TET1: variants seen among roughly 807,000 people sequenced by gnomAD.
TET1 encodes the protein methylcytosine dioxygenase TET1.
A neutral mutation model predicts 148.7 loss-of-function variants in TET1; 13 were observed. The ratio of observed to expected loss-of-function variants is 0.09; its 90% CI spans 0.06 to 0.14. TET1 has a LOEUF of 0.14. TET1 is among the 10% of genes least tolerant of loss of function. The pLI is 1.00. For missense variants in TET1, 2,182 were observed against 2,553.8 expected (o/e 0.85, Z 3.14); for synonymous variants, 907 against 937.2 (o/e 0.97, Z 0.59).
At chr10:68,586,647 T>G (rs1589054270) in intron 2 of TET1, among the ~76,000 whole-genome samples, 1 of 152,054 alleles carries the variant, frequency 6.6e-6, no homozygotes, top group Admixed American at 6.6e-5. Context: ...ATCAGTTTTT[T>G]TTTTTTTTTA....
chr10:68,636,392 A>G (rs2054650142), intron 3 of TET1, among the ~76,000 whole-genome samples: 1 of 152,160 alleles, frequency 6.6e-6, no homozygotes, highest in African/African-American at 2.4e-5. Context: ...TGTGAGTTCT[A>G]AGAAGCCCTG....
intron 7 of TET1, among the ~76,000 whole-genome samples, chr10:68,672,543 T>TCTTTA (rs2055290790): frequency 6.9e-6 from 1 of 145,320 alleles, no homozygotes; most frequent in South Asian, 2.2e-4. Context: ...AAACCCAGGT[T>TCTTTA]CTTTATTTCC....
At chr10:68,607,070 G>A (rs1009718545) in intron 3 of TET1, among the ~76,000 whole-genome samples, 5 of 151,804 alleles carry the variant, frequency 3.3e-5, no homozygotes, top group African/African-American at 1.2e-4. Flanking sequence ...CAAGACTCAT[G>A]TCCATTCTGT....
chr10:68,629,719 G>A (rs1018387554), intron 3 of TET1, among the ~76,000 whole-genome samples: 3 of 151,914 alleles, frequency 2.0e-5, no homozygotes, highest in South Asian at 2.1e-4. Context: ...TTGTATTTTA[G>A]TAGAGACGGA....
At chr10:68,668,749 G>T (rs1227615944) in intron 7 of TET1, among the ~76,000 whole-genome samples, 1 of 152,094 alleles carries the variant, frequency 6.6e-6, no homozygotes, top group Non-Finnish European at 1.5e-5. Context: ...GCCGACAAGG[G>T]AGGACCACTT....
chr10:68,629,359 C>T (rs10998344), intron 3 of TET1, among the ~76,000 whole-genome samples: 76,098 of 151,052 alleles, frequency 0.5, 19,761 homozygotes, highest in Non-Finnish European at 0.57. Flanking sequence ...AGAAAGATCT[C>T]GTCTCAAAAA....
chr10:68,593,558 C>T (rs1421749249), intron 2 of TET1, among the ~76,000 whole-genome samples: 1 of 151,994 alleles, frequency 6.6e-6, no homozygotes, highest in African/African-American at 2.4e-5. Flanking sequence ...TTGCCTCAGG[C>T]TCCTGAGTAG....
chr10:68,572,571 G>A lies in TET1; in HGVS notation c.233G>A (p.Gly78Glu), dbSNP rs1484377336. The A allele has an allele frequency of 1.2e-6, 2 of 1,614,134 alleles. No homozygotes were observed. Among genetic ancestry groups the A allele is most frequent in the African/African-American group, 1.3e-5 (1 of 75,032 alleles). ...GTCAGAAGCCTTCTGACAAGAGCTG[G>A]AGCAGCACGCATGAATTTGGATAGG... ...VPVRSLLTRA[G>E]AARMNLDRTE... The change falls in exon 2 of 12, where the codon GGA (glycine) becomes GAA (glutamate). Residue 78 changes from glycine to glutamate, a missense_variant. This residue lies in a region of TET1 where 665 missense variants were observed against 672.4 expected (regional missense o/e 0.99). Transcript: ENST00000373644.
At chr10:68,620,402 A>G (rs2054353317) in intron 3 of TET1, among the ~76,000 whole-genome samples, 1 of 152,160 alleles carries the variant, frequency 6.6e-6, no homozygotes, top group Non-Finnish European at 1.5e-5. Context: ...CATTTCAAAC[A>G]ATGGCATCAT....
Position 68,646,894 on chromosome 10 carries a change from G to A in TET1, c.4165G>A (p.Asp1389Asn). Residue 1389 changes from aspartate to asparagine, a missense_variant, in exon 4 of 12, where the codon GAC becomes AAC. By Grantham distance (23) the Asp-to-Asn change is conservative. Around this residue, in one of 11 missense-constraint regions of TET1, gnomAD observed 169 missense variants for 263.7 expected, o/e 0.64. Transcript: ENST00000373644. ...SFGTSEFSTV[D>N]SAQKNFNDYA... ...TGGAACATCAGAATTTTCCACAGTG[G>A]ACAGTGCACAGAAAAATTTTAATGA... 1.2e-6 allele frequency: 2 copies of A among 1,614,108 alleles called. No homozygotes were observed. Among genetic ancestry groups the A allele is most frequent in the Non-Finnish European group, 1.7e-6 (2 of 1,180,030 alleles).
intron 6 of TET1, among the ~76,000 whole-genome samples, chr10:68,653,587 G>C (rs1035995884): frequency 5.9e-5 from 9 of 152,110 alleles, no homozygotes; most frequent in Admixed American, 3.3e-4. Context: ...TCTACATATT[G>C]CATCTTTACA....
At chr10:68,634,287 A>G (rs894207243) in intron 3 of TET1, among the ~76,000 whole-genome samples, 1 of 152,160 alleles carries the variant, frequency 6.6e-6, no homozygotes, top group East Asian at 1.9e-4. Flanking sequence ...TGGACATAAG[A>G]TGGTAATATT....
At position 68,691,989 on chromosome 10, in the gene TET1, G is replaced by T; in HGVS notation, c.*175G>T. ...GTATTCTTAACTGTGACTATATTTT[G>T]ACAATTGGTAGAAGGTGCACATTTT... is the stretch of plus-strand genomic sequence containing the variant. On this transcript the variant is annotated 3_prime_UTR_variant, in exon 12 of 12. Transcript: ENST00000373644. This position sits in a 1 kb window ranked among gnomAD's most constrained non-coding sequence, Gnocchi z 4.4. 1.4e-6 allele frequency: 1 copy of T among 708,112 alleles called. No homozygotes were observed. Among genetic ancestry groups the T allele is most frequent in the Non-Finnish European group, 2.2e-6 (1 of 453,938 alleles). The allele number at this position is 708,112 out of a possible 1,614,324, so 43.9% of individuals were successfully genotyped here. A position where few individuals can be genotyped will look rare whatever the true frequency, so the allele number is the denominator to read the frequency against.
intron 3 of TET1, among the ~76,000 whole-genome samples, chr10:68,631,445 T>C (rs2133028262): frequency 6.7e-6 from 1 of 148,360 alleles, no homozygotes; most frequent in South Asian, 2.2e-4. Flanking sequence ...TTTTTTTTTT[T>C]TTTTTTTTTT....
chr10:68,595,975 C>A (rs868620810), intron 2 of TET1, among the ~76,000 whole-genome samples: 2 of 45,782 alleles, frequency 4.4e-5, no homozygotes, highest in Non-Finnish European at 8.4e-5. Context: ...CACACACACA[C>A]ACATATATAC....
chr10:68,566,965 A>G (rs551818980), intron 1 of TET1, among the ~76,000 whole-genome samples: 1 of 152,228 alleles, frequency 6.6e-6, no homozygotes, highest in South Asian at 2.1e-4. Context: ...CAATGAGGTC[A>G]ATACTATTAG....
intron 2 of TET1, among the ~76,000 whole-genome samples, chr10:68,582,943 C>T (rs2053817859): frequency 6.6e-6 from 1 of 152,126 alleles, no homozygotes; most frequent in Non-Finnish European, 1.5e-5. Flanking sequence ...CGTGTATAAC[C>T]TCCAAGTTTG....
intron 6 of TET1, among the ~76,000 whole-genome samples, chr10:68,660,343 C>CTTT (rs35395692): frequency 1.7e-4 from 24 of 138,326 alleles, no homozygotes; most frequent in African/African-American, 4.6e-4. Context: ...TCTTCTTCTT[C>CTTT]TTTTTTTTTT....
intron 1 of TET1, among the ~76,000 whole-genome samples, chr10:68,562,366 A>G (rs1298948097): frequency 6.6e-6 from 1 of 152,232 alleles, no homozygotes; most frequent in Non-Finnish European, 1.5e-5. Flanking sequence ...GTACACGTAG[A>G]TAGGTACGGA....
Sources: allele counts gnomAD v4.1 joint callset (sites outside exome capture counted in the v4.1 genomes callset), GRCh38; gene constraint gnomAD v4.1.1; regional missense constraint gnomAD v4.1.1; non-coding constraint Gnocchi (gnomAD v3.1); transcripts MANE v1.5; gene names NCBI Gene and HGNC (gene_info 2026-07-23, HGNC 2026-07-21).